Variants in RPS6KA3 observed in about 807,000 individuals in gnomAD.
The protein encoded by RPS6KA3 is ribosomal protein S6 kinase A3.
RPS6KA3 carries 4 observed loss-of-function variants against 67.2 expected under a neutral mutation model. That is an observed-to-expected ratio of 0.06 (90% CI 0.03 to 0.14). RPS6KA3 has a LOEUF of 0.14. Among genes scored for constraint, RPS6KA3 ranks in the 10% least tolerant of loss-of-function variants. The pLI, the probability that RPS6KA3 is intolerant of heterozygous loss-of-function variation, is 1.00. For missense variants in RPS6KA3, 204 were observed against 559.0 expected (o/e 0.36, Z 6.40); for synonymous variants, 182 against 183.7 (o/e 0.99, Z 0.07).
chrX:20,210,681 T>C (rs761448920), intron 2 of RPS6KA3, among the ~76,000 whole-genome samples: 2 of 111,938 alleles, frequency 1.8e-5, no homozygotes, highest in South Asian at 3.7e-4. Flanking sequence ...ATCCTACTAC[T>C]TAGGCAGTTC....
At chrX:20,223,074 G>C (rs1318525628) in intron 2 of RPS6KA3, among the ~76,000 whole-genome samples, 2 of 111,310 alleles carry the variant, frequency 1.8e-5, no homozygotes, top group African/African-American at 3.3e-5. Flanking sequence ...TTCTTCCTTT[G>C]ATCTACTGAT....
At chrX:20,240,590 C>T in intron 1 of RPS6KA3, 1 of 554,798 alleles carries the variant, frequency 1.8e-6, no homozygotes, top group Non-Finnish European at 2.2e-6. Flanking sequence ...GATTAAGAAT[C>T]AGCTCCTCAT....
At chrX:20,256,375 T>C (rs181090881) in intron 1 of RPS6KA3, among the ~76,000 whole-genome samples, 145 of 110,142 alleles carry the variant, frequency 1.3e-3, no homozygotes, top group Non-Finnish European at 2.2e-3. Context: ...ATCAAGTAGA[T>C]TTTTCTGAAA....
chrX:20,176,157 C>T (rs924474187), intron 13 of RPS6KA3, 93 bp downstream of exon 13: 1 of 593,470 alleles, frequency 1.7e-6, no homozygotes, highest in Non-Finnish European at 2.9e-6. Context: ...AAGTGTGAGC[C>T]ACCGCGCCCA....
At chrX:20,185,759 C>T (rs2148681528) in intron 10 of RPS6KA3, among the ~76,000 whole-genome samples, 1 of 111,425 alleles carries the variant, frequency 9.0e-6, no homozygotes, top group South Asian at 3.7e-4. Context: ...GGCATCCTTG[C>T]CATATTACAA....
intron 1 of RPS6KA3, among the ~76,000 whole-genome samples, chrX:20,261,978 T>C (rs1290208320): frequency 8.9e-6 from 1 of 112,171 alleles, no homozygotes; most frequent in Non-Finnish European, 1.9e-5. Context: ...ATAATATATG[T>C]ACTTGCACAG....
chrX:20,175,300 A>G lies in RPS6KA3; in HGVS notation c.1103-12T>C. The G allele has an allele frequency of 8.3e-7, 1 of 1,207,452 alleles. No individual in the cohort carries two copies. Reference sequence around the variant, plus strand: ...AATGCCAGGTGAATCTGAAAAGAGTAAGAAGTGACAAAGAAGATTCATTTG... The same window carrying G: ...AATGCCAGGTGAATCTGAAAAGAGTGAGAAGTGACAAAGAAGATTCATTTG... On this transcript the variant is annotated splice_polypyrimidine_tract_variant and intron_variant, in intron 13 of 21. Coordinates refer to ENST00000379565, the MANE Select transcript of RPS6KA3 (RefSeq NM_004586.3).
chrX:20,202,754 T>G (rs765238448), intron 4 of RPS6KA3, among the ~76,000 whole-genome samples: 1 of 112,324 alleles, frequency 8.9e-6, no homozygotes, highest in African/African-American at 3.2e-5. Context: ...CAAATCCTGT[T>G]AAATACATAA....
intron 3 of RPS6KA3, among the ~76,000 whole-genome samples, chrX:20,207,239 G>C (rs1316969145): frequency 9.0e-6 from 1 of 111,717 alleles, no homozygotes; most frequent in African/African-American, 3.3e-5. Flanking sequence ...CTTGGTGACA[G>C]ATAAGACTGG....
intron 3 of RPS6KA3, among the ~76,000 whole-genome samples, chrX:20,207,697 AAATTG>A (rs1455198378): frequency 8.9e-6 from 1 of 112,009 alleles, no homozygotes; most frequent in Non-Finnish European, 1.9e-5. Context: ...AGAAGAAAAA[AAATTG>A]AATTGAAGTC....
chrX:20,229,415 T>A (rs2069203982), intron 2 of RPS6KA3, among the ~76,000 whole-genome samples: 1 of 111,781 alleles, frequency 8.9e-6, no homozygotes, highest in South Asian at 3.7e-4. Flanking sequence ...TAGAAGCAGA[T>A]CCTTCCCTAG....
intron 10 of RPS6KA3, among the ~76,000 whole-genome samples, chrX:20,183,370 G>C (rs1159777736): frequency 9.1e-6 from 1 of 110,250 alleles, no homozygotes. Context: ...ACCACACCTG[G>C]ATAATTTTTA....
intron 1 of RPS6KA3, among the ~76,000 whole-genome samples, chrX:20,246,454 C>G (rs888157158): frequency 2.7e-4 from 30 of 111,154 alleles, no homozygotes; most frequent in African/African-American, 9.8e-4. Context: ...ACTTCCATTT[C>G]TAGGGCTAAA....
At chrX:20,174,411 G>A (rs1197591706) in intron 14 of RPS6KA3, among the ~76,000 whole-genome samples, 3 of 104,689 alleles carry the variant, frequency 2.9e-5, no homozygotes, top group South Asian at 4.5e-4. Context: ...GTACAGTGGC[G>A]GATCTCGGCT....
Position 20,190,088 on chromosome X carries a change from T to G in RPS6KA3, c.594-1554A>C, listed in dbSNP as rs1429266372. Among the ~76,000 whole-genome samples the G allele has an allele frequency of 2.7e-5, 3 of 111,410 alleles. No individual in the cohort carries two copies. In the Admixed American group the frequency reaches 2.9e-4, roughly 11 times the overall value. On this transcript the variant is annotated intron_variant, in intron 7 of 21. Transcript: ENST00000379565. ...AACTTCAAGTCATTCTCGGTAATTC[T>G]GAAAGAAAAAAGGATAATATGGCTG...
At chrX:20,265,897 G>A (rs1414932989) in intron 1 of RPS6KA3, 1 of 110,725 alleles carries the variant, frequency 9.0e-6, no homozygotes, top group East Asian at 2.8e-4. Flanking sequence ...TCACCTCCAT[G>A]GACAGGAAAC....
chrX:20,187,132 G>C (rs1337823168), intron 9 of RPS6KA3, among the ~76,000 whole-genome samples: 1 of 111,786 alleles, frequency 8.9e-6, no homozygotes, highest in Non-Finnish European at 1.9e-5. Context: ...GGCCAGGCTG[G>C]TTTCGAACTC....
At chrX:20,164,823 TTAA>T in intron 18 of RPS6KA3, 73 bp downstream of exon 18, 2 of 745,317 alleles carry the variant, frequency 2.7e-6, no homozygotes, top group Non-Finnish European at 2.1e-6. Context: ...TAAATTATTA[TTAA>T]TAATTCGGTA....
rs112225784 is a variant in RPS6KA3, at chrX:20,252,726, C to T, written c.69+13838G>A. On this transcript the variant is annotated intron_variant, in intron 1 of 21. Transcript: ENST00000379565. ...TGTTGCTGCACTATAAAGCCAAAAG[C>T]TCAGCTCCCCAAAGGACCCAGCTAA... 3.7e-3 allele frequency among the ~76,000 whole-genome samples: 414 copies of T among 110,960 alleles called. 4 individuals carry two copies. The highest frequency in any genetic ancestry group is 0.013 in the African/African-American group (395 of 30,480).
Sources: gnomAD v4.1 joint callset for allele counts (sites outside exome capture counted in the v4.1 genomes callset) on GRCh38, gnomAD v4.1.1 for gene constraint, MANE v1.5 for transcripts, NCBI Gene and HGNC (gene_info 2026-07-23, HGNC 2026-07-21) for gene names.